MALRD1: variants seen among roughly 807,000 people sequenced by gnomAD.
MALRD1 encodes the protein MAM and LDL receptor class A domain containing 1.
A neutral mutation model predicts 242.1 loss-of-function variants in MALRD1; 247 were observed. That is an observed-to-expected ratio of 1.02 (90% CI 0.92 to 1.13). The LOEUF is 1.13. Ranked by LOEUF, MALRD1 falls within the 50% of genes most tolerant of loss-of-function variation. The pLI is 0.00. For missense variants in MALRD1, 2,989 were observed against 2,533.1 expected (o/e 1.18, Z -3.86); for synonymous variants, 995 against 866.6 (o/e 1.15, Z -2.60).
At chr10:19,096,682 T>TC (rs1161715455) in intron 4 of MALRD1, among the ~76,000 whole-genome samples, 1 of 152,220 alleles carries the variant, frequency 6.6e-6, no homozygotes, top group Non-Finnish European at 1.5e-5. Flanking sequence ...AATTCTGTAA[T>TC]CAGAGTCTCC....
At chr10:19,556,094 A>G (rs1024816927) in intron 32 of MALRD1, among the ~76,000 whole-genome samples, 7 of 152,134 alleles carry the variant, frequency 4.6e-5, no homozygotes, top group African/African-American at 1.4e-4. Flanking sequence ...TATTTTTAAA[A>G]TTTACTTTTA....
chr10:19,176,664 G>A (rs59814509), intron 14 of MALRD1, among the ~76,000 whole-genome samples: 11,057 of 151,918 alleles, frequency 0.073, 490 homozygotes, highest in African/African-American at 0.12. Context: ...GTGAGCCACC[G>A]CGCCCGGCCC....
intron 26 of MALRD1, among the ~76,000 whole-genome samples, chr10:19,353,950 T>G (rs567141076): frequency 6.6e-6 from 1 of 151,952 alleles, no homozygotes; most frequent in South Asian, 2.1e-4. Context: ...GGTCTGAAAC[T>G]CTTGAGCTCA....
At chr10:19,283,749 T>C (rs1588848044) in intron 21 of MALRD1, among the ~76,000 whole-genome samples, 1 of 152,226 alleles carries the variant, frequency 6.6e-6, no homozygotes, top group South Asian at 2.1e-4. Flanking sequence ...GTAATGACTT[T>C]CAACAATTTA....
chr10:19,349,249 C>G (rs578246489), intron 25 of MALRD1, among the ~76,000 whole-genome samples: 39 of 152,334 alleles, frequency 2.6e-4, no homozygotes, highest in African/African-American at 9.4e-4. Context: ...GCGTGAGCCC[C>G]TGCGCCCAGC....
At chr10:19,639,498 C>G (rs1181151704) in intron 36 of MALRD1, among the ~76,000 whole-genome samples, 1 of 152,172 alleles carries the variant, frequency 6.6e-6, no homozygotes, top group Non-Finnish European at 1.5e-5. Context: ...ACAAAAATAA[C>G]ACTTCAAAAT....
At chr10:19,720,986 C>T (rs564460913) in intron 38 of MALRD1, among the ~76,000 whole-genome samples, 1 of 150,204 alleles carries the variant, frequency 6.7e-6, no homozygotes, top group South Asian at 2.1e-4. Flanking sequence ...GTAAACATAC[C>T]AGAAAACCTA....
At chr10:19,280,291 T>C in intron 20 of MALRD1, 68 bp downstream of exon 20, 1 of 1,202,170 alleles carries the variant, frequency 8.3e-7, no homozygotes, top group Non-Finnish European at 1.1e-6. Flanking sequence ...AATCTCTAAG[T>C]AGCACAGCCT....
At chr10:19,714,775 C>A (rs1367261419) in intron 38 of MALRD1, among the ~76,000 whole-genome samples, 1 of 152,088 alleles carries the variant, frequency 6.6e-6, no homozygotes, top group African/African-American at 2.4e-5. Context: ...CGGATCGCAT[C>A]TTTTATTTAG....
At chr10:19,066,116 A>T (rs1270237206) in intron 1 of MALRD1, among the ~76,000 whole-genome samples, 1 of 152,206 alleles carries the variant, frequency 6.6e-6, no homozygotes, top group Non-Finnish European at 1.5e-5. Flanking sequence ...GTATACTTTA[A>T]ATCATCTTTA....
chr10:19,381,179 A>G (rs374117453), intron 26 of MALRD1, among the ~76,000 whole-genome samples: 3,288 of 150,006 alleles, frequency 0.022, 130 homozygotes, highest in African/African-American at 0.077. Context: ...TTGTTCTTGC[A>G]ATAGTTTACT....
rs562351078 is a variant in MALRD1, at chr10:19,608,416, C to T, written c.6070+514C>T. On this transcript the variant is annotated intron_variant, in intron 35 of 39. Coordinates refer to ENST00000454679, the MANE Select transcript of MALRD1 (RefSeq NM_001142308.3). The stretch of plus-strand genomic sequence containing the variant: ...AACATGTATACAGCATAGGAACTGA[C>T]AGTATATATCTGTCATTATACTTTT... Among the ~76,000 whole-genome samples, 4 of 152,090 alleles carry T rather than the reference C, an allele frequency of 2.6e-5. No individual in the cohort carries two copies. The South Asian group carries it at 6.2e-4, about 24-fold the overall frequency.
chr10:19,482,000 T>C (rs1315765197), intron 29 of MALRD1, among the ~76,000 whole-genome samples: 2 of 152,044 alleles, frequency 1.3e-5, no homozygotes, highest in South Asian at 2.1e-4. Flanking sequence ...AGTTGCTCAA[T>C]ACATGTTTCT....
chr10:19,098,168 C>T (rs150261515), intron 4 of MALRD1, among the ~76,000 whole-genome samples: 3 of 152,180 alleles, frequency 2.0e-5, no homozygotes, highest in East Asian at 1.9e-4. Context: ...GCTCATGTAA[C>T]GGTTTTATGG....
intron 33 of MALRD1, among the ~76,000 whole-genome samples, chr10:19,588,995 T>A (rs1209014770): frequency 6.6e-6 from 1 of 152,210 alleles, no homozygotes; most frequent in Non-Finnish European, 1.5e-5. Flanking sequence ...TAGCTGATGT[T>A]TATGTGCTTG....
intron 36 of MALRD1, among the ~76,000 whole-genome samples, chr10:19,672,515 C>T (rs1279447093): frequency 1.3e-5 from 2 of 151,506 alleles, no homozygotes; most frequent in Admixed American, 6.6e-5. Flanking sequence ...CCTCTGCCTC[C>T]TGGGTTCAAG....
chr10:19,459,027 G>C (rs773188554), intron 29 of MALRD1, among the ~76,000 whole-genome samples: 2 of 152,058 alleles, frequency 1.3e-5, no homozygotes, highest in African/African-American at 2.4e-5. Context: ...ATTACATAAA[G>C]AGACATTATT....
At chr10:19,719,237 T>TGTACATACATAC (rs1834614049) in intron 38 of MALRD1, among the ~76,000 whole-genome samples, 1 of 124,924 alleles carries the variant, frequency 8.0e-6, no homozygotes, top group Non-Finnish European at 1.6e-5. Context: ...TATATATATA[T>TGTACATACATAC]ATATATATAT....
chr10:19,600,961 T>C (rs1022247419), intron 34 of MALRD1, among the ~76,000 whole-genome samples: 12 of 152,122 alleles, frequency 7.9e-5, no homozygotes, highest in African/African-American at 2.9e-4. Flanking sequence ...TGTAAATCAC[T>C]GCAGCCTTGC....
Sources: gnomAD v4.1 joint callset for allele counts (sites outside exome capture counted in the v4.1 genomes callset) on GRCh38, gnomAD v4.1.1 for gene constraint, MANE v1.5 for transcripts, NCBI Gene and HGNC (gene_info 2026-07-23, HGNC 2026-07-21) for gene names.